The following FILIP1 variants were observed in gnomAD, a reference collection of about 807,000 sequenced individuals.
The protein encoded by FILIP1 is filamin-A-interacting protein 1.
A neutral mutation model predicts 102.1 loss-of-function variants in FILIP1; 61 were observed. The observed-to-expected ratio is 0.60, with a 90% confidence interval of 0.49 to 0.74. FILIP1 has a LOEUF of 0.74. FILIP1 is among the 30% of genes least tolerant of loss of function. The pLI is 0.00. For synonymous variants in FILIP1, 491 were observed against 526.9 expected (o/e 0.93, Z 0.93); for missense variants, 1,314 against 1,441.2 (o/e 0.91, Z 1.43).
chr6:75,417,349 T>C (rs1777302427), intron 1 of FILIP1, among the ~76,000 whole-genome samples: 1 of 152,214 alleles, frequency 6.6e-6, no homozygotes, highest in Admixed American at 6.6e-5. Flanking sequence ...CAGCACCTGT[T>C]CTATCTCAGG....
At chr6:75,470,088 T>G (rs926486961) in intron 1 of FILIP1, among the ~76,000 whole-genome samples, 1 of 152,202 alleles carries the variant, frequency 6.6e-6, no homozygotes, top group East Asian at 1.9e-4. Context: ...AGTAAAACCA[T>G]AGTAAGTTGT....
At chr6:75,431,108 C>G (rs1777808842) in intron 1 of FILIP1, among the ~76,000 whole-genome samples, 1 of 151,994 alleles carries the variant, frequency 6.6e-6, no homozygotes, top group Non-Finnish European at 1.5e-5. Flanking sequence ...CCATTCACAT[C>G]AGAAAAAAAG....
chr6:75,410,551 C>T (rs1347690847), intron 2 of FILIP1, among the ~76,000 whole-genome samples: 1 of 152,030 alleles, frequency 6.6e-6, no homozygotes, highest in African/African-American at 2.4e-5. Context: ...ATTCCCTTGC[C>T]CTGCAACCTC....
intron 1 of FILIP1, among the ~76,000 whole-genome samples, chr6:75,444,049 A>C (rs1253065018): frequency 6.6e-6 from 1 of 152,240 alleles, no homozygotes; most frequent in African/African-American, 2.4e-5. Flanking sequence ...AAGAGGTAAC[A>C]ATAAAGGCAA....
chr6:75,382,779 A>T (rs1775948185), intron 2 of FILIP1, among the ~76,000 whole-genome samples: 1 of 152,220 alleles, frequency 6.6e-6, no homozygotes, highest in Non-Finnish European at 1.5e-5. Flanking sequence ...TGCTACAGGA[A>T]TGCATCACAA....
chr6:75,310,606 G>A (rs1773148727), intron 5 of FILIP1, among the ~76,000 whole-genome samples: 1 of 152,212 alleles, frequency 6.6e-6, no homozygotes, highest in African/African-American at 2.4e-5. Flanking sequence ...AGTCAAAAAT[G>A]TCAATACAGA....
At chr6:75,417,931 C>T (rs1052599851) in intron 1 of FILIP1, among the ~76,000 whole-genome samples, 4 of 152,174 alleles carry the variant, frequency 2.6e-5, no homozygotes, top group Admixed American at 2.0e-4. Flanking sequence ...GGCGCGGTGG[C>T]TCACACCTAT....
At chr6:75,452,678 T>A (rs1483362726) in intron 1 of FILIP1, among the ~76,000 whole-genome samples, 1 of 152,228 alleles carries the variant, frequency 6.6e-6, no homozygotes, top group Non-Finnish European at 1.5e-5. Flanking sequence ...TAAAACTATG[T>A]CTTGTGCATA....
At chr6:75,447,412 C>G (rs1247823652) in intron 1 of FILIP1, among the ~76,000 whole-genome samples, 2 of 152,086 alleles carry the variant, frequency 1.3e-5, no homozygotes, top group Non-Finnish European at 2.9e-5. Context: ...TCTCAAAAGA[C>G]CTTTGGATGA....
At chr6:75,394,296 G>C (rs998565205) in intron 2 of FILIP1, among the ~76,000 whole-genome samples, 6 of 151,954 alleles carry the variant, frequency 3.9e-5, no homozygotes, top group Non-Finnish European at 7.4e-5. Flanking sequence ...ATTTCAGATG[G>C]GTTAAATATT....
At chr6:75,293,257 A>G (rs1249469834) in exon 7 of FILIP1, 1 of 152,210 alleles carries the variant, frequency 6.6e-6, no homozygotes, top group Non-Finnish European at 1.5e-5. Flanking sequence ...TGATGACTGG[A>G]GACTTATTTA....
At chr6:75,436,385 G>T (rs1204700725) in intron 1 of FILIP1, among the ~76,000 whole-genome samples, 1 of 150,540 alleles carries the variant, frequency 6.6e-6, no homozygotes, top group South Asian at 2.1e-4. Context: ...AAAAAAAGAA[G>T]ACACTTCTGC....
chr6:75,427,936 G>A (rs1466983541), intron 1 of FILIP1, among the ~76,000 whole-genome samples: 2 of 152,172 alleles, frequency 1.3e-5, no homozygotes, highest in East Asian at 3.8e-4. Flanking sequence ...GTTAACACTA[G>A]AGGATTTTTG....
At chr6:75,317,353 C>T (rs1463486008) in intron 4 of FILIP1, among the ~76,000 whole-genome samples, 1 of 152,070 alleles carries the variant, frequency 6.6e-6, no homozygotes, top group South Asian at 2.1e-4. Flanking sequence ...ACACTAATAC[C>T]AACCATATAG....
At chr6:75,305,983 G>A (rs75922910), downstream of FILIP1, among the ~76,000 whole-genome samples, 2,229 of 152,234 alleles carry the variant, frequency 0.015, 42 homozygotes, top group African/African-American at 0.051. Flanking sequence ...CCTACAAAAA[G>A]CACATTAAGT....
intron 6 of FILIP1, among the ~76,000 whole-genome samples, chr6:75,298,649 G>T (rs1057333113): frequency 4.6e-5 from 7 of 152,176 alleles, no homozygotes; most frequent in African/African-American, 1.7e-4. Context: ...AGGCTTGGTG[G>T]CTCACACCTG....
chr6:75,475,912 T>A (rs1779461436), intron 1 of FILIP1, among the ~76,000 whole-genome samples: 1 of 152,200 alleles, frequency 6.6e-6, no homozygotes, highest in African/African-American at 2.4e-5. Flanking sequence ...GTCATTTACT[T>A]TCTTTCTAGA....
At chr6:75,358,191 A>T (rs1350469976) in intron 3 of FILIP1, 1 of 152,222 alleles carries the variant, frequency 6.6e-6, no homozygotes, top group Non-Finnish European at 1.5e-5. Context: ...ATAAAAAGGC[A>T]TGATTCAGGA....
At chr6:75,461,288 G>A (rs1010554456) in intron 1 of FILIP1, among the ~76,000 whole-genome samples, 2 of 152,190 alleles carry the variant, frequency 1.3e-5, no homozygotes, top group Non-Finnish European at 2.9e-5. Context: ...GAGAAGTTAA[G>A]TAACTTGTTA....
Sources: gnomAD v4.1 joint callset for allele counts (sites outside exome capture counted in the v4.1 genomes callset) on GRCh38, gnomAD v4.1.1 for gene constraint, MANE v1.5 for transcripts, NCBI Gene and HGNC (gene_info 2026-07-23, HGNC 2026-07-21) for gene names.